The following DYNC2H1 variants were observed in gnomAD, a reference collection of about 807,000 sequenced individuals.
DYNC2H1 encodes the protein cytoplasmic dynein 2 heavy chain 1.
Under a neutral mutation model 570.0 loss-of-function variants are expected in DYNC2H1, and 410 were observed. That is an observed-to-expected ratio of 0.72 (90% CI 0.66 to 0.78). The LOEUF is 0.78. Ranked by LOEUF, DYNC2H1 falls within the 30% of genes least tolerant of loss-of-function variation. The pLI is 0.00. For synonymous variants in DYNC2H1, 1,688 were observed against 1,677.6 expected (o/e 1.01, Z -0.15); for missense variants, 4,865 against 5,046.4 (o/e 0.96, Z 1.09).
At chr11:103,226,029 A>G (rs975410881) in intron 59 of DYNC2H1, among the ~76,000 whole-genome samples, 2 of 151,676 alleles carry the variant, frequency 1.3e-5, no homozygotes, top group Non-Finnish European at 2.9e-5. Context: ...CAGTTGGTGT[A>G]TAGCAGAGCT....
chr11:103,366,373 AAC>A lies in DYNC2H1; in HGVS notation c.12156+8017_12156+8018del, dbSNP rs369807459. The stretch of plus-strand genomic sequence containing the variant: ...ATTATATTCATGCATTTTAAGGTAA[AAC>A]ACTAGATAATAAAGCAAAAGGGATA... On this transcript the variant is annotated intron_variant, in intron 83 of 88. Coordinates refer to ENST00000375735, the MANE Select transcript of DYNC2H1 (RefSeq NM_001377.3). 1.2e-3 allele frequency among the ~76,000 whole-genome samples: 183 copies of A among 152,306 alleles called. 3 individuals are homozygous for A. The highest frequency in any genetic ancestry group is 4.1e-3 in the African/African-American group (169 of 41,572).
chr11:103,424,025 C>T (rs1324898319), intron 84 of DYNC2H1, among the ~76,000 whole-genome samples: 1 of 151,988 alleles, frequency 6.6e-6, no homozygotes, highest in Non-Finnish European at 1.5e-5. Context: ...GACTTGTGCA[C>T]TGAGAGCTAC....
rs1861689382 is a variant in DYNC2H1, at chr11:103,177,831, A to G, written c.6139+11A>G. 1.3e-6 allele frequency: 2 copies of G among 1,593,982 alleles called. No homozygotes were observed. Among genetic ancestry groups the G allele is most frequent in the Non-Finnish European group, 1.7e-6 (2 of 1,174,298 alleles). ...TTCGGGAACCTCAAGGTTAGTCTCT[A>G]TGTATACTTCTTTGCTTTACTTAGT... On this transcript the variant is annotated intron_variant, in intron 38 of 88. Coordinates refer to ENST00000375735, the MANE Select transcript of DYNC2H1 (RefSeq NM_001377.3). This position sits in a 1 kb window ranked among gnomAD's most constrained non-coding sequence, Gnocchi z 4.4.
intron 80 of DYNC2H1, among the ~76,000 whole-genome samples, chr11:103,317,488 A>G (rs994781113): frequency 3.3e-5 from 5 of 152,052 alleles, no homozygotes; most frequent in Admixed American, 6.6e-5. Context: ...ATAATTTCTT[A>G]CCTGGTCTTC....
chr11:103,203,057 T>A lies in DYNC2H1; in HGVS notation c.8198-606T>A, dbSNP rs1297021811. On this transcript the variant is annotated intron_variant, in intron 50 of 88. Coordinates refer to ENST00000375735, the MANE Select transcript of DYNC2H1 (RefSeq NM_001377.3). This position sits in a 1 kb window ranked among gnomAD's most constrained non-coding sequence, Gnocchi z 4.7. ...TAAAACATATTTTTGTTCTAGATAC[T>A]TAGGTAAGAATATTCTAGGGTTAAA... Among the ~76,000 whole-genome samples the A allele has an allele frequency of 6.6e-6, 1 of 152,210 alleles. No individual in the cohort carries two copies. Among genetic ancestry groups the A allele is most frequent in the Non-Finnish European group, 1.5e-5 (1 of 68,032 alleles).
chr11:103,328,691 C>A (rs901911068), intron 82 of DYNC2H1, among the ~76,000 whole-genome samples: 1 of 152,184 alleles, frequency 6.6e-6, no homozygotes, highest in Admixed American at 6.5e-5. Context: ...CTATCTACTG[C>A]AAATTGTTGA....
chr11:103,120,135 T>C (rs1394208032), intron 6 of DYNC2H1, among the ~76,000 whole-genome samples: 3 of 152,180 alleles, frequency 2.0e-5, no homozygotes. Flanking sequence ...AAATGAGCTC[T>C]AAATATAGTT....
At chr11:103,197,825 T>C in intron 47 of DYNC2H1, 108 bp from the exon 48 acceptor site, 3 of 1,237,586 alleles carry the variant, frequency 2.4e-6, no homozygotes, top group Non-Finnish European at 3.4e-6. Context: ...CTTCTGGAGA[T>C]GATCTTATTT....
chr11:103,257,593 T>G lies in DYNC2H1; in HGVS notation c.10462-15T>G. 1.2e-6 allele frequency: 2 copies of G among 1,603,420 alleles called. No homozygotes were observed. The highest frequency in any genetic ancestry group is 1.7e-6 in the Non-Finnish European group (2 of 1,173,926). ...GTGTTTCCACCCTATCCCCTACTGA[T>G]CTCTTGATCCATAGGAACGGGATGC... is the stretch of plus-strand genomic sequence containing the variant. On this transcript the variant is annotated splice_polypyrimidine_tract_variant and intron_variant, in intron 68 of 88. Transcript: ENST00000375735.
intron 79 of DYNC2H1, 37 bp from the exon 80 acceptor site, chr11:103,316,508 G>A: frequency 7.1e-7 from 1 of 1,412,354 alleles, no homozygotes; most frequent in Non-Finnish European, 9.7e-7. Context: ...TTTGACTACT[G>A]CTTAGTTGTT....
chr11:103,320,578 C>T (rs1001413150), intron 80 of DYNC2H1, among the ~76,000 whole-genome samples: 2 of 152,114 alleles, frequency 1.3e-5, no homozygotes, highest in African/African-American at 4.8e-5. Context: ...TATAAACTGA[C>T]AGTTTCATCA....
chr11:103,313,882 T>G (rs1937655939), intron 79 of DYNC2H1, among the ~76,000 whole-genome samples: 2 of 152,184 alleles, frequency 1.3e-5, no homozygotes, highest in African/African-American at 4.8e-5. Context: ...ATAGTTAACT[T>G]GCTCAAAGAA....
rs189913472 is a variant in DYNC2H1 at position 103,412,675 on chromosome 11, A to G, written c.12366+12803A>G. Among the ~76,000 whole-genome samples, 442 of 152,314 alleles carry G rather than the reference A, an allele frequency of 2.9e-3. 3 individuals carry two copies. The highest frequency in any genetic ancestry group is 6.8e-3 in the Middle Eastern group (2 of 294). ...CAGGGAGTCCTTCAGCAATATGGCA[A>G]AAATGCTAGTGGATCCTGTGTCTTT... On this transcript the variant is annotated intron_variant, in intron 84 of 88. Transcript: ENST00000375735.
At position 103,164,727 on chromosome 11, in the gene DYNC2H1, G is replaced by A. The variant is rs867306808; in HGVS notation, c.4612-1171G>A. 7.2e-5 allele frequency among the ~76,000 whole-genome samples: 11 copies of A among 152,204 alleles called. No individual in the cohort carries two copies. In the South Asian group the frequency reaches 8.3e-4, roughly 11 times the overall value. On this transcript the variant is annotated intron_variant, in intron 30 of 88. Transcript: ENST00000375735. ...CACACTTAATTGTCATTACATTTTA[G>A]GTAATTCATAATATTAGTTCCTATC...
intron 30 of DYNC2H1, 65 bp from the exon 31 acceptor site, chr11:103,165,833 T>C (rs1321631021): frequency 1.3e-5 from 18 of 1,342,238 alleles, no homozygotes; most frequent in Non-Finnish European, 1.7e-5. Flanking sequence ...TGCCTTTCTT[T>C]AAATTTATAA....
At chr11:103,367,290 C>T (rs1336153902) in intron 83 of DYNC2H1, among the ~76,000 whole-genome samples, 2 of 151,916 alleles carry the variant, frequency 1.3e-5, no homozygotes, top group Non-Finnish European at 2.9e-5. Context: ...ATCATTTTTC[C>T]ACTAAATCAA....
At position 103,268,978 on chromosome 11, in the gene DYNC2H1, G is replaced by T. The variant is rs1410169716; in HGVS notation, c.10695+9001G>T. On this transcript the variant is annotated intron_variant, in intron 70 of 88. Coordinates refer to ENST00000375735, the MANE Select transcript of DYNC2H1 (RefSeq NM_001377.3). This position sits in a 1 kb window ranked among gnomAD's most constrained non-coding sequence, Gnocchi z 4.6. ...AATATATTAGTGGACTATAGTGACT[G>T]CAGTGGGATTATTTCTTTGAAGTTA... 1.3e-5 allele frequency among the ~76,000 whole-genome samples: 2 copies of T among 152,064 alleles called. No homozygotes were observed. The highest frequency in any genetic ancestry group is 2.1e-4 in the South Asian group (1 of 4,830).
At chr11:103,412,608 A>G (rs1408172390) in intron 84 of DYNC2H1, among the ~76,000 whole-genome samples, 2 of 152,198 alleles carry the variant, frequency 1.3e-5, no homozygotes, top group African/African-American at 4.8e-5. Flanking sequence ...GTATTCTAAC[A>G]TGCAAGCTGG....
intron 59 of DYNC2H1, among the ~76,000 whole-genome samples, chr11:103,227,294 C>T (rs1466571254): frequency 2.6e-5 from 4 of 151,412 alleles, no homozygotes; most frequent in East Asian, 1.9e-4. Flanking sequence ...TATACTCTTT[C>T]GTACTTTTTG....
Sources: gnomAD v4.1 joint callset for allele counts (sites outside exome capture counted in the v4.1 genomes callset) on GRCh38, gnomAD v4.1.1 for gene constraint, Gnocchi (gnomAD v3.1) non-coding constraint, MANE v1.5 for transcripts, NCBI Gene and HGNC (gene_info 2026-07-23, HGNC 2026-07-21) for gene names.